CCSER1: variants seen among roughly 807,000 people sequenced by gnomAD.
The protein encoded by CCSER1 is coiled-coil serine rich protein 1, also known as serine-rich coiled-coil domain-containing protein 1.
A neutral mutation model predicts 82.0 loss-of-function variants in CCSER1; 41 were observed. The observed-to-expected ratio is 0.50, with a 90% CI of 0.39 to 0.65. The LOEUF (loss-of-function observed/expected upper bound fraction) is 0.65, where lower values mean the gene tolerates loss of function less well. Among genes scored for constraint, CCSER1 ranks in the 30% least tolerant of loss-of-function variants. CCSER1 has a pLI of 0.00. For missense variants in CCSER1, 1,119 were observed against 1,064.2 expected, an observed-to-expected ratio of 1.05 and a Z score of -0.72; for synonymous variants, 414 against 383.9, an observed-to-expected ratio of 1.08 and a Z score of -0.92.
intron 4 of CCSER1, among the ~76,000 whole-genome samples, chr4:90,414,947 AAC>A (rs1318401128): frequency 6.6e-6 from 1 of 152,160 alleles, no homozygotes; most frequent in Admixed American, 6.5e-5. Flanking sequence ...AAATATTTAT[AAC>A]ACAGATAAAA....
At chr4:90,302,824 C>A (rs1256156022) in intron 1 of CCSER1, among the ~76,000 whole-genome samples, 1 of 150,778 alleles carries the variant, frequency 6.6e-6, no homozygotes, top group Non-Finnish European at 1.5e-5. Context: ...CAAAACAAAA[C>A]AAAACAAAAA....
At chr4:91,481,897 G>A (rs910467834) in intron 10 of CCSER1, among the ~76,000 whole-genome samples, 4 of 151,906 alleles carry the variant, frequency 2.6e-5, no homozygotes, top group Non-Finnish European at 5.9e-5. Flanking sequence ...CTAATATCTA[G>A]AATTTACAAA....
At chr4:90,304,102 C>T (rs577187963) in intron 1 of CCSER1, among the ~76,000 whole-genome samples, 4 of 152,168 alleles carry the variant, frequency 2.6e-5, no homozygotes, top group Admixed American at 1.3e-4. Context: ...AATGAGATAC[C>T]ATCTCACACC....
chr4:90,688,612 C>A (rs576583415), intron 6 of CCSER1, among the ~76,000 whole-genome samples: 1 of 152,076 alleles, frequency 6.6e-6, no homozygotes, highest in Non-Finnish European at 1.5e-5. Flanking sequence ...AGTAAATAAT[C>A]TTGTTAATTC....
intron 1 of CCSER1, among the ~76,000 whole-genome samples, chr4:90,137,188 A>ATT (rs1723851635): frequency 6.6e-6 from 1 of 152,226 alleles, no homozygotes; most frequent in African/African-American, 2.4e-5. Flanking sequence ...TTAAAAATTA[A>ATT]AGTACAGATT....
At chr4:90,471,961 G>A (rs1312255452) in intron 5 of CCSER1, among the ~76,000 whole-genome samples, 1 of 151,312 alleles carries the variant, frequency 6.6e-6, no homozygotes, top group Non-Finnish European at 1.5e-5. Context: ...TGGGTGACAA[G>A]AGCAAAACGC....
chr4:90,479,477 T>A (rs567761387), intron 5 of CCSER1, among the ~76,000 whole-genome samples: 71 of 152,300 alleles, frequency 4.7e-4, no homozygotes, highest in African/African-American at 1.5e-3. Context: ...GCTGCACCCA[T>A]TAACTCATCA....
chr4:91,046,759 C>G (rs112211929), intron 9 of CCSER1, among the ~76,000 whole-genome samples: 6 of 151,958 alleles, frequency 3.9e-5, no homozygotes, highest in African/African-American at 1.2e-4. Context: ...TGCTCTGTCT[C>G]CAGGCTGGAG....
chr4:91,354,998 A>G (rs889779341), intron 10 of CCSER1, among the ~76,000 whole-genome samples: 1 of 152,082 alleles, frequency 6.6e-6, no homozygotes, highest in Non-Finnish European at 1.5e-5. Flanking sequence ...CTAATGATAC[A>G]TATTTTTCTT....
chr4:90,673,566 C>T (rs1168367808), intron 6 of CCSER1, among the ~76,000 whole-genome samples: 1 of 151,864 alleles, frequency 6.6e-6, no homozygotes, highest in Non-Finnish European at 1.5e-5. Flanking sequence ...AATACTGTGC[C>T]AGTTGAGGCA....
chr4:90,376,355 G>C (rs557047399), intron 3 of CCSER1, among the ~76,000 whole-genome samples: 70 of 152,286 alleles, frequency 4.6e-4, no homozygotes, highest in African/African-American at 1.4e-3. Context: ...GCTCTTGAAG[G>C]CATTCAGTCT....
At chr4:90,413,942 C>T (rs1179075336) in intron 4 of CCSER1, among the ~76,000 whole-genome samples, 1 of 72,710 alleles carries the variant, frequency 1.4e-5, no homozygotes, top group East Asian at 4.6e-4. Flanking sequence ...GAGCGAGACA[C>T]CGTCTCAAAA....
intron 7 of CCSER1, among the ~76,000 whole-genome samples, chr4:90,777,254 G>C (rs2149591601): frequency 6.6e-6 from 1 of 151,266 alleles, no homozygotes; most frequent in East Asian, 2.0e-4. Context: ...CTACTTGGGG[G>C]GCTGAGGCAG....
intron 7 of CCSER1, among the ~76,000 whole-genome samples, chr4:90,751,930 T>C (rs1356430158): frequency 6.6e-6 from 1 of 152,086 alleles, no homozygotes; most frequent in Non-Finnish European, 1.5e-5. Context: ...TTCTAATATA[T>C]TTAGGTATAA....
chr4:90,846,925 G>C (rs1290437803), intron 8 of CCSER1, among the ~76,000 whole-genome samples: 1 of 152,192 alleles, frequency 6.6e-6, no homozygotes, highest in Non-Finnish European at 1.5e-5. Context: ...GGGATTACAG[G>C]TGTGAGCCAC....
At chr4:91,441,025 G>C (rs1467904593) in intron 10 of CCSER1, among the ~76,000 whole-genome samples, 1 of 151,782 alleles carries the variant, frequency 6.6e-6, no homozygotes, top group South Asian at 2.1e-4. Context: ...ATTCACAGCC[G>C]AATTCTACCA....
chr4:90,133,052 G>A (rs1723076075), intron 1 of CCSER1, among the ~76,000 whole-genome samples: 1 of 152,088 alleles, frequency 6.6e-6, no homozygotes, highest in Non-Finnish European at 1.5e-5. Context: ...CTCTGGGGTG[G>A]GGTTCTCTGT....
At chr4:91,161,168 C>T (rs1246288563) in intron 10 of CCSER1, among the ~76,000 whole-genome samples, 3 of 152,058 alleles carry the variant, frequency 2.0e-5, no homozygotes, top group Non-Finnish European at 2.9e-5. Flanking sequence ...GAATCCTTTC[C>T]CCACTTCTTC....
At chr4:91,104,077 C>T (rs1725358167) in intron 10 of CCSER1, among the ~76,000 whole-genome samples, 1 of 151,998 alleles carries the variant, frequency 6.6e-6, no homozygotes, top group Admixed American at 6.6e-5. Flanking sequence ...CCTGCAGTAC[C>T]CTTAGGCTTA....
Sources: allele counts gnomAD v4.1 joint callset (sites outside exome capture counted in the v4.1 genomes callset), GRCh38; gene constraint gnomAD v4.1.1; transcripts MANE v1.5; gene names NCBI Gene and HGNC (gene_info 2026-07-23, HGNC 2026-07-21).